GPRC5D: variants seen among roughly 807,000 people sequenced by gnomAD.
The protein encoded by GPRC5D is G protein-coupled receptor family C group 5 member D.
A neutral mutation model predicts 29.3 loss-of-function variants in GPRC5D; 20 were observed. That is an observed-to-expected ratio of 0.68 (90% CI 0.48 to 0.99). GPRC5D has a LOEUF of 0.99. Ranked by LOEUF, GPRC5D falls within the 50% of genes least tolerant of loss-of-function variation. GPRC5D has a pLI of 0.00. For missense variants in GPRC5D, 384 were observed against 423.6 expected (o/e 0.91, Z 0.82); for synonymous variants, 178 against 171.3 (o/e 1.04, Z -0.30).
intron 2 of GPRC5D, among the ~76,000 whole-genome samples, chr12:12,941,288 C>T (rs781127865): frequency 3.3e-5 from 5 of 152,136 alleles, no homozygotes; most frequent in Non-Finnish European, 7.3e-5. Context: ...ACATACTGAG[C>T]CTACCTATAC....
rs1442011112 is a variant in GPRC5D at position 12,949,476 on chromosome 12, C to T, written c.895+14G>A. The T allele has an allele frequency of 6.2e-7, 1 of 1,600,826 alleles. No individual in the cohort carries two copies. Among genetic ancestry groups the T allele is most frequent in the South Asian group, 1.1e-5 (1 of 89,572 alleles). Reference sequence around the variant, plus strand: ...GGAGCACCTCCCTGCTCCCTGAATCCCCCAGGAATGTACCTCTGGAGAGCT... The same window carrying T: ...GGAGCACCTCCCTGCTCCCTGAATCTCCCAGGAATGTACCTCTGGAGAGCT... On this transcript the variant is annotated intron_variant, in intron 1 of 2. Coordinates refer to ENST00000228887, the Ensembl canonical transcript of GPRC5D.
Position 12,944,825 on chromosome 12 carries a change from CCTTCCTTCCTTCCTTCCTTCCT to C in GPRC5D, c.896-2519_896-2498del, listed in dbSNP as rs1863246454. Among the ~76,000 whole-genome samples the C allele has an allele frequency of 8.7e-3, 105 of 12,124 alleles. 8 individuals are homozygous for C. Among genetic ancestry groups the C allele is most frequent in the South Asian group, 0.03 (4 of 134 alleles). The allele number at this position is 12,124 out of a possible 152,430, so 8.0% of individuals were successfully genotyped here. A position where few individuals can be genotyped will look rare whatever the true frequency, so the allele number is the denominator to read the frequency against. On this transcript the variant is annotated intron_variant, in intron 1 of 2. Coordinates refer to ENST00000228887, the Ensembl canonical transcript of GPRC5D. Reference sequence around the variant, plus strand: ...CCCTTCCTTCCTTCCTTCCTTCCTTCCTTCCTTCCTTCCTTCCTTCCTTCCTTCTTTCTTTCTTTCTTTCTTT... The same window carrying C: ...CCCTTCCTTCCTTCCTTCCTTCCTTCTCCTTCTTTCTTTCTTTCTTTCTTT...
chr12:12,947,094 C>A (rs1863367500), intron 1 of GPRC5D: 1 of 152,182 alleles, frequency 6.6e-6, no homozygotes, highest in Admixed American at 6.5e-5. Context: ...CCCAAACTTC[C>A]CACACTTCTC....
At chr12:12,941,271 A>G (rs1312003712) in intron 2 of GPRC5D, among the ~76,000 whole-genome samples, 1 of 152,220 alleles carries the variant, frequency 6.6e-6, no homozygotes, top group African/African-American at 2.4e-5. Context: ...CAATAACAAA[A>G]GAAGAAACAT....
exon 1 of GPRC5D, chr12:12,949,645 A>G (rs746007168): frequency 4.3e-6 from 7 of 1,614,162 alleles, no homozygotes; most frequent in Non-Finnish European, 5.9e-6. Context: ...TGCGTTGGTG[A>G]CCAGAGCAAT....
intron 1 of GPRC5D, among the ~76,000 whole-genome samples, chr12:12,949,210 G>C (rs868770091): frequency 4.6e-5 from 7 of 152,172 alleles, no homozygotes; most frequent in Non-Finnish European, 7.4e-5. Context: ...TCTTTAACCA[G>C]TGTGAACATT....
chr12:12,944,819 TTCCTTCC>T (rs1863243638), intron 1 of GPRC5D, among the ~76,000 whole-genome samples: 1 of 9,526 alleles, frequency 1.0e-4, no homozygotes, highest in African/African-American at 1.6e-4. Context: ...CCTTCCTTCC[TTCCTTCC>T]TTCCTTCCTT....
chr12:12,945,203 C>G lies in GPRC5D; in HGVS notation c.896-2875G>C, dbSNP rs571861791. Reference sequence around the variant, plus strand: ...TATTTTTAGTAGAGACAGCATTTCACCATGTTGGCCAGGCCGATCTTGAAC... The same window carrying G: ...TATTTTTAGTAGAGACAGCATTTCAGCATGTTGGCCAGGCCGATCTTGAAC... On this transcript the variant is annotated intron_variant, in intron 1 of 2. Coordinates refer to ENST00000228887, the Ensembl canonical transcript of GPRC5D. Among the ~76,000 whole-genome samples the G allele has an allele frequency of 7.4e-4, 112 of 152,074 alleles. 1 individual carries two copies. Among genetic ancestry groups the G allele is most frequent in the African/African-American group, 2.5e-3 (104 of 41,488 alleles).
chr12:12,946,642 A>G (rs1258050989), intron 1 of GPRC5D, among the ~76,000 whole-genome samples: 2 of 151,828 alleles, frequency 1.3e-5, no homozygotes, highest in Admixed American at 1.3e-4. Flanking sequence ...TTTAATAGAG[A>G]TGGGGTTTTA....
downstream of GPRC5D, chr12:12,940,698 T>A (rs1863119441): frequency 4.9e-6 from 4 of 813,056 alleles, no homozygotes; most frequent in Non-Finnish European, 8.7e-6. Context: ...CGTGACTCTG[T>A]GGGCCCCCGT....
chr12:12,950,755 C>T (rs574585997), upstream of GPRC5D, among the ~76,000 whole-genome samples: 12 of 151,846 alleles, frequency 7.9e-5, no homozygotes, highest in Admixed American at 6.6e-4. Flanking sequence ...TACATTGAGC[C>T]GAGATTGCCC....
intron 1 of GPRC5D, among the ~76,000 whole-genome samples, chr12:12,946,337 C>CT (rs1372691876): frequency 2.0e-5 from 3 of 149,020 alleles, no homozygotes; most frequent in African/African-American, 7.5e-5. Context: ...TTCTTTCTTT[C>CT]TTTCTTTCTT....
intron 1 of GPRC5D, among the ~76,000 whole-genome samples, chr12:12,944,693 G>A (rs923621595): frequency 2.0e-5 from 3 of 151,828 alleles, no homozygotes; most frequent in Admixed American, 6.6e-5. Context: ...TTGTCTGTAT[G>A]CATCCAAACA....
At chr12:12,947,311 C>G (rs909104635) in intron 1 of GPRC5D, 2 of 152,206 alleles carry the variant, frequency 1.3e-5, no homozygotes, top group Admixed American at 1.3e-4. Flanking sequence ...TGTTATTATA[C>G]TTCTCTAGCT....
chr12:12,946,295 CCT>C (rs1863322799), intron 1 of GPRC5D, among the ~76,000 whole-genome samples: 2 of 54,070 alleles, frequency 3.7e-5, no homozygotes, highest in Non-Finnish European at 7.5e-5. Context: ...TTCCTTTCTT[CCT>C]TCCTTCCTTC....
intron 1 of GPRC5D, among the ~76,000 whole-genome samples, chr12:12,942,949 C>A (rs1342821373): frequency 1.3e-5 from 2 of 152,208 alleles, no homozygotes; most frequent in East Asian, 3.9e-4. Context: ...TCAACAGTCC[C>A]TTTAGGCTTG....
intron 2 of GPRC5D, among the ~76,000 whole-genome samples, chr12:12,941,854 G>C (rs1039661566): frequency 3.3e-5 from 5 of 152,204 alleles, no homozygotes; most frequent in African/African-American, 1.2e-4. Flanking sequence ...GAGGCAGTCA[G>C]TGGGGCTCAG....
At chr12:12,942,067 G>C (rs150305636) in intron 2 of GPRC5D, among the ~76,000 whole-genome samples, 194 bp downstream of exon 3, 125 of 152,288 alleles carry the variant, frequency 8.2e-4, no homozygotes, top group African/African-American at 2.9e-3. Context: ...GGGAGGGTTT[G>C]GGTGAAAGCT....
chr12:12,947,377 C>T (rs933076695), intron 1 of GPRC5D: 4 of 152,172 alleles, frequency 2.6e-5, no homozygotes, highest in African/African-American at 7.2e-5. Flanking sequence ...GAATCCTGCA[C>T]TTTTAATTGA....
Sources: allele counts gnomAD v4.1 joint callset (sites outside exome capture counted in the v4.1 genomes callset), GRCh38; gene constraint gnomAD v4.1.1; transcripts MANE v1.5; gene names NCBI Gene and HGNC (gene_info 2026-07-23, HGNC 2026-07-21).